Variants in ADCY2 observed in about 807,000 individuals in gnomAD.
ADCY2 encodes adenylate cyclase type 2.
A neutral mutation model predicts 125.2 loss-of-function variants in ADCY2; 31 were observed. The observed-to-expected ratio is 0.25, with a 90% CI of 0.19 to 0.33. The LOEUF is 0.33. ADCY2 is among the 10% of genes least tolerant of loss of function. The pLI is 1.00. For missense variants in ADCY2, 904 were observed against 1,418.2 expected (o/e 0.64, Z 5.82); for synonymous variants, 512 against 548.4 (o/e 0.93, Z 0.93).
At chr5:7,495,205 A>G (rs907147269) in intron 2 of ADCY2, among the ~76,000 whole-genome samples, 8 of 152,270 alleles carry the variant, frequency 5.3e-5, no homozygotes, top group Admixed American at 2.6e-4. Flanking sequence ...CCTCACCTCC[A>G]TGTTCTGCAT....
At position 7,820,899 on chromosome 5, in the gene ADCY2, G is replaced by C. The variant is rs3214065; in HGVS notation, c.3123+210G>C. Among the ~76,000 whole-genome samples the C allele has an allele frequency of 3.1e-3, 478 of 152,232 alleles. 7 individuals carry two copies. The East Asian group carries it at 0.045, about 14-fold the overall frequency. On this transcript the variant is annotated intron_variant, in intron 24 of 24. Coordinates refer to ENST00000338316, the MANE Select transcript of ADCY2 (RefSeq NM_020546.3). ...ACAACAAAATTCTAACAATATAAAG[G>C]CTATTATATTTGTGAAAACAAATGA... is the stretch of plus-strand genomic sequence containing the variant.
intron 2 of ADCY2, among the ~76,000 whole-genome samples, chr5:7,433,552 T>G (rs757142561): frequency 2.0e-5 from 3 of 152,102 alleles, no homozygotes; most frequent in Non-Finnish European, 4.4e-5. Flanking sequence ...AATGAAATAT[T>G]CTAAGAAGCA....
intron 2 of ADCY2, among the ~76,000 whole-genome samples, chr5:7,504,132 C>T (rs1263422343): frequency 6.6e-6 from 1 of 152,180 alleles, no homozygotes; most frequent in African/African-American, 2.4e-5. Context: ...TAAATAATAT[C>T]AGCCGAAGGC....
chr5:7,724,463 A>G, intron 12 of ADCY2, 82 bp from the exon 13 acceptor site: 1 of 1,043,968 alleles, frequency 9.6e-7, no homozygotes, highest in South Asian at 1.3e-5. Flanking sequence ...AAGAAAGAAG[A>G]TCGCAAGTCA....
chr5:7,509,885 A>T (rs1260641558), intron 2 of ADCY2, among the ~76,000 whole-genome samples: 1 of 152,188 alleles, frequency 6.6e-6, no homozygotes, highest in African/African-American at 2.4e-5. Flanking sequence ...ATTTCCAAGA[A>T]TTTCCAATTA....
intron 15 of ADCY2, among the ~76,000 whole-genome samples, chr5:7,747,714 C>T (rs1425433010): frequency 6.6e-6 from 1 of 152,186 alleles, no homozygotes; most frequent in African/African-American, 2.4e-5. Context: ...GCCTTTGCAC[C>T]ACCAACTCCT....
At chr5:7,780,866 G>A (rs951998441) in intron 18 of ADCY2, among the ~76,000 whole-genome samples, 9 of 152,194 alleles carry the variant, frequency 5.9e-5, no homozygotes, top group South Asian at 2.1e-4. Context: ...TCACCAGTAC[G>A]TTGGGGTGTG....
chr5:7,695,610 T>C, intron 5 of ADCY2, 142 bp from the exon 6 acceptor site: 1 of 445,932 alleles, frequency 2.2e-6, no homozygotes, highest in Non-Finnish European at 3.9e-6. Flanking sequence ...TATATATTCT[T>C]AATCTGAGAA....
chr5:7,736,841 T>A (rs1742264280), intron 14 of ADCY2, among the ~76,000 whole-genome samples: 1 of 152,186 alleles, frequency 6.6e-6, no homozygotes, highest in Admixed American at 6.5e-5. Flanking sequence ...TGTTAGTAGA[T>A]TAACACATAA....
intron 23 of ADCY2, among the ~76,000 whole-genome samples, chr5:7,818,178 A>G (rs1242629254): frequency 6.6e-6 from 1 of 152,146 alleles, no homozygotes; most frequent in African/African-American, 2.4e-5. Flanking sequence ...TTACATACAA[A>G]TTTCAACTTT....
intron 3 of ADCY2, among the ~76,000 whole-genome samples, chr5:7,587,450 A>T (rs1425986932): frequency 6.6e-6 from 1 of 152,208 alleles, no homozygotes; most frequent in African/African-American, 2.4e-5. Flanking sequence ...AAGCATTGAC[A>T]TCTATTATAA....
At chr5:7,443,357 A>G (rs1232845627) in intron 2 of ADCY2, among the ~76,000 whole-genome samples, 1 of 152,044 alleles carries the variant, frequency 6.6e-6, no homozygotes, top group Non-Finnish European at 1.5e-5. Flanking sequence ...TTCTTGTTTT[A>G]TTGTGGAATA....
At chr5:7,564,566 C>T (rs1244901081) in intron 3 of ADCY2, among the ~76,000 whole-genome samples, 1 of 152,140 alleles carries the variant, frequency 6.6e-6, no homozygotes, top group Non-Finnish European at 1.5e-5. Flanking sequence ...ATCCTGTGTG[C>T]CATGTCCCTG....
intron 4 of ADCY2, among the ~76,000 whole-genome samples, chr5:7,642,424 AC>A (rs1311820338): frequency 3.9e-5 from 6 of 152,000 alleles, no homozygotes; most frequent in African/African-American, 1.4e-4. Context: ...TGGATACTAG[AC>A]CTTTGTCAGA....
chr5:7,544,158 T>C (rs993010245), intron 3 of ADCY2, among the ~76,000 whole-genome samples: 1 of 151,868 alleles, frequency 6.6e-6, no homozygotes, highest in Non-Finnish European at 1.5e-5. Context: ...ATCAGAACAT[T>C]AGCTCCCCAT....
At chr5:7,614,646 TG>T (rs1171949634) in intron 3 of ADCY2, among the ~76,000 whole-genome samples, 1 of 152,182 alleles carries the variant, frequency 6.6e-6, no homozygotes, top group Non-Finnish European at 1.5e-5. Flanking sequence ...TGGAAGTGAA[TG>T]TGAAGCACTG....
Position 7,828,438 on chromosome 5 carries a change from A to G in ADCY2, c.*1567A>G, listed in dbSNP as rs1745554052. 6.6e-6 allele frequency: 1 copy of G among 152,200 alleles called. No individual in the cohort carries two copies. The highest frequency in any genetic ancestry group is 2.1e-4 in the South Asian group (1 of 4,830). 9.4% of individuals were successfully genotyped at this position (152,200 alleles called of 1,614,324 possible). A position where few individuals can be genotyped will look rare whatever the true frequency, so the allele number is the denominator to read the frequency against. On this transcript the variant is annotated 3_prime_UTR_variant, in exon 25 of 25. Coordinates refer to ENST00000338316, the MANE Select transcript of ADCY2 (RefSeq NM_020546.3). The stretch of plus-strand genomic sequence containing the variant: ...TTATGGACTCGCTAGTGATTAAACG[A>G]GGCAATGACTGTGAGCGAGCCTGGC...
intron 3 of ADCY2, among the ~76,000 whole-genome samples, chr5:7,536,688 T>A (rs1734823827): frequency 1.3e-5 from 2 of 152,158 alleles, no homozygotes; most frequent in Non-Finnish European, 2.9e-5. Context: ...CTTTACCTAC[T>A]TACCTAGCAG....
rs1745592804 is a variant in ADCY2 at position 7,829,930 on chromosome 5, A to C, written c.*3059A>C. ...CCCATCTCTGCAAAAAAATAAGAAA[A>C]TTAGCTTGGCATGGTGGCACGTGCC... On this transcript the variant is annotated 3_prime_UTR_variant, in exon 25 of 25. Coordinates refer to ENST00000338316, the MANE Select transcript of ADCY2 (RefSeq NM_020546.3). 6.6e-6 allele frequency: 1 copy of C among 152,046 alleles called. No individual in the cohort carries two copies. The highest frequency in any genetic ancestry group is 2.4e-5 in the African/African-American group (1 of 41,366). The allele number at this position is 152,046 out of a possible 1,614,324, so 9.4% of individuals were successfully genotyped here. A position where few individuals can be genotyped will look rare whatever the true frequency, so the allele number is the denominator to read the frequency against.
Sources: gnomAD v4.1 joint callset for allele counts (sites outside exome capture counted in the v4.1 genomes callset) on GRCh38, gnomAD v4.1.1 for gene constraint, MANE v1.5 for transcripts, NCBI Gene and HGNC (gene_info 2026-07-23, HGNC 2026-07-21) for gene names.